Variants in SPIDR observed in about 807,000 individuals in gnomAD.
SPIDR encodes the protein scaffold protein involved in DNA repair, also known as DNA repair-scaffolding protein.
SPIDR carries 93 observed loss-of-function variants against 104.6 expected under a neutral mutation model. The ratio of observed to expected loss-of-function variants is 0.89; its 90% confidence interval spans 0.75 to 1.06. The LOEUF is 1.06. Ranked by LOEUF, SPIDR falls within the 50% of genes least tolerant of loss-of-function variation. The probability of loss-of-function intolerance (pLI) is 0.00; values close to 1 mark genes in which losing one functional copy is unlikely to be tolerated. For synonymous variants in SPIDR, 431 were observed against 416.9 expected (o/e 1.03, Z -0.41); for missense variants, 1,154 against 1,111.2 (o/e 1.04, Z -0.55).
rs755657230 is a variant in SPIDR, at chr8:47,713,610, A to G, written c.2310A>G (p.Ala770=). The G allele has an allele frequency of 6.2e-7, 1 of 1,614,048 alleles. No individual in the cohort carries two copies. Among genetic ancestry groups the G allele is most frequent in the Non-Finnish European group, 8.5e-7 (1 of 1,180,038 alleles). The change falls in exon 16 of 20, where the codon GCA becomes GCG. Residue 770 remains alanine, a synonymous_variant. Coordinates refer to ENST00000297423, the MANE Select transcript of SPIDR (RefSeq NM_001080394.4). ...TGATGCTCGACAGCCTGGACTCTGC[A>G]ACACCTGTCAACTCCATCTGCAGTG... ...GPVMLDSLDS[A]TPVNSICSVQ... is the part of the protein sequence containing the mutation.
chr8:47,406,091 CTTT>C (rs548168516), intron 6 of SPIDR, among the ~76,000 whole-genome samples: 1 of 135,104 alleles, frequency 7.4e-6, no homozygotes, highest in Non-Finnish European at 1.6e-5. Flanking sequence ...TTCATTTTGC[CTTT>C]TTTTTTTTTT....
At chr8:47,513,329 A>G (rs1047540271) in intron 8 of SPIDR, among the ~76,000 whole-genome samples, 2 of 152,228 alleles carry the variant, frequency 1.3e-5, no homozygotes, top group Non-Finnish European at 2.9e-5. Context: ...ACAGTAATTG[A>G]AAAGTTTGTG....
intron 10 of SPIDR, among the ~76,000 whole-genome samples, chr8:47,612,113 T>C (rs535978474): frequency 6.6e-6 from 1 of 152,310 alleles, no homozygotes; most frequent in African/African-American, 2.4e-5. Context: ...AGGACTAGAT[T>C]ATATTTGCCT....
intron 1 of SPIDR, among the ~76,000 whole-genome samples, chr8:47,274,019 A>G (rs1403010008): frequency 1.3e-5 from 2 of 152,076 alleles, no homozygotes; most frequent in African/African-American, 4.8e-5. Context: ...CCCATTCTCA[A>G]GTTATCTAGG....
chr8:47,466,723 G>C (rs185643917), intron 8 of SPIDR, among the ~76,000 whole-genome samples: 1 of 147,512 alleles, frequency 6.8e-6, no homozygotes, highest in East Asian at 1.9e-4. Flanking sequence ...AAAAAAGTTA[G>C]ATTCCAATTT....
intron 5 of SPIDR, among the ~76,000 whole-genome samples, chr8:47,357,629 A>G (rs1489199364): frequency 6.6e-6 from 1 of 152,178 alleles, no homozygotes; most frequent in Non-Finnish European, 1.5e-5. Context: ...TTTCCTCACC[A>G]TATAATTTTT....
chr8:47,400,694 T>A (rs536327913), intron 6 of SPIDR, among the ~76,000 whole-genome samples: 8 of 131,350 alleles, frequency 6.1e-5, no homozygotes, highest in South Asian at 4.9e-4. Context: ...TTTTTTTTTT[T>A]AAATTTGTGG....
intron 8 of SPIDR, among the ~76,000 whole-genome samples, chr8:47,444,048 A>G (rs1054562887): frequency 7.2e-5 from 11 of 152,236 alleles, no homozygotes; most frequent in African/African-American, 1.9e-4. Context: ...GCATTAATCT[A>G]TATAATTTCA....
At chr8:47,728,729 A>C in intron 17 of SPIDR, 1 of 513,630 alleles carries the variant, frequency 1.9e-6, no homozygotes, top group Non-Finnish European at 3.4e-6. Flanking sequence ...AGCCAGTGCT[A>C]CTCGTGCTAC....
At chr8:47,282,940 C>G (rs1449619263) in intron 2 of SPIDR, among the ~76,000 whole-genome samples, 1 of 151,970 alleles carries the variant, frequency 6.6e-6, no homozygotes, top group African/African-American at 2.4e-5. Flanking sequence ...ACTGCAACCT[C>G]CACCTCCCAG....
At chr8:47,503,078 AGGT>A (rs1446864593) in intron 8 of SPIDR, among the ~76,000 whole-genome samples, 1 of 152,190 alleles carries the variant, frequency 6.6e-6, no homozygotes, top group Non-Finnish European at 1.5e-5. Context: ...GTTTTGGAAT[AGGT>A]GTGTTGTGGT....
At chr8:47,446,805 T>A (rs975481421) in intron 8 of SPIDR, among the ~76,000 whole-genome samples, 10 of 152,154 alleles carry the variant, frequency 6.6e-5, no homozygotes, top group African/African-American at 2.4e-4. Context: ...CAGGCTGGTC[T>A]GGAACTCGTG....
rs183399041 is a variant in SPIDR at position 47,397,465 on chromosome 8, C to T, written c.776+839C>T. Among the ~76,000 whole-genome samples, 632 of 152,180 alleles carry T rather than the reference C, an allele frequency of 4.2e-3. 1 individual carries two copies. Among genetic ancestry groups the T allele is most frequent in the Non-Finnish European group, 6.5e-3 (444 of 68,016 alleles). On this transcript the variant is annotated intron_variant, in intron 6 of 19. Transcript: ENST00000297423. Reference sequence around the variant, plus strand: ...GAGCTGAGATCGTGCCATTGCACTCCAGCCTGGGCAACAGGGCAAGACTCC... The same window carrying T: ...GAGCTGAGATCGTGCCATTGCACTCTAGCCTGGGCAACAGGGCAAGACTCC...
intron 11 of SPIDR, among the ~76,000 whole-genome samples, chr8:47,679,939 A>G (rs1445950745): frequency 6.6e-6 from 1 of 152,256 alleles, no homozygotes; most frequent in Non-Finnish European, 1.5e-5. Flanking sequence ...TTCTTGGGTT[A>G]ATCTTAGAAC....
At chr8:47,653,375 CT>C (rs2072056445) in intron 10 of SPIDR, among the ~76,000 whole-genome samples, 1 of 152,164 alleles carries the variant, frequency 6.6e-6, no homozygotes, top group Admixed American at 6.5e-5. Flanking sequence ...CAAATGGCCT[CT>C]CATTTGGTAG....
intron 5 of SPIDR, among the ~76,000 whole-genome samples, chr8:47,299,837 G>T (rs1355118187): frequency 6.6e-6 from 1 of 152,164 alleles, no homozygotes; most frequent in African/African-American, 2.4e-5. Flanking sequence ...TTGATGTGCT[G>T]CTGGATTCGG....
chr8:47,704,117 G>A (rs1260791266), intron 14 of SPIDR, among the ~76,000 whole-genome samples: 1 of 152,224 alleles, frequency 6.6e-6, no homozygotes, highest in East Asian at 1.9e-4. Context: ...GAAAGTGTGT[G>A]TGTGTTTCTG....
intron 10 of SPIDR, among the ~76,000 whole-genome samples, chr8:47,636,784 C>A (rs566708522): frequency 6.6e-6 from 1 of 151,182 alleles, no homozygotes; most frequent in African/African-American, 2.4e-5. Context: ...CCACTGCACT[C>A]CAGCCTAAGC....
At chr8:47,452,919 A>G (rs947783268) in intron 8 of SPIDR, among the ~76,000 whole-genome samples, 5 of 152,130 alleles carry the variant, frequency 3.3e-5, no homozygotes, top group Non-Finnish European at 5.9e-5. Flanking sequence ...AGGAAGTCAA[A>G]TTGTCCCTGT....
Sources: allele counts gnomAD v4.1 joint callset (sites outside exome capture counted in the v4.1 genomes callset), GRCh38; gene constraint gnomAD v4.1.1; transcripts MANE v1.5; gene names NCBI Gene and HGNC (gene_info 2026-07-23, HGNC 2026-07-21).